Variants in RANBP17 observed in about 807,000 individuals in gnomAD.
The protein encoded by RANBP17 is ran-binding protein 17.
A neutral mutation model predicts 141.2 loss-of-function variants in RANBP17; 158 were observed. That is an observed-to-expected ratio of 1.12 (90% CI 0.98 to 1.28). The LOEUF (loss-of-function observed/expected upper bound fraction) is 1.28. Among genes scored for constraint, RANBP17 ranks in the 50% most tolerant of loss-of-function variants. The probability of loss-of-function intolerance (pLI) is 0.00; values close to 1 mark genes in which losing one functional copy is unlikely to be tolerated. For synonymous variants in RANBP17, 430 were observed against 450.0 expected, an observed-to-expected ratio of 0.96 and a Z score of 0.56; for missense variants, 1,438 against 1,290.7, an observed-to-expected ratio of 1.11 and a Z score of -1.75.
Position 170,970,200 on chromosome 5 carries a change from C to T in RANBP17, c.1710+1823C>T, listed in dbSNP as rs900704914. On this transcript the variant is annotated intron_variant, in intron 14 of 27. Coordinates refer to ENST00000523189, the MANE Select transcript of RANBP17 (RefSeq NM_022897.5). ...ATACAATTTTTTTAGCAACCAACTA[C>T]GTAAGGAAGAGTGAGTGGAACATAT... Among the ~76,000 whole-genome samples, 5 of 151,294 alleles carry T rather than the reference C, an allele frequency of 3.3e-5. No individual in the cohort carries two copies. The East Asian group carries it at 5.8e-4, about 18-fold the overall frequency.
rs753706111 is a variant in RANBP17 at position 171,242,674 on chromosome 5, T to C, written c.2638-8T>C. On this transcript the variant is annotated splice_region_variant and splice_polypyrimidine_tract_variant and intron_variant, in intron 23 of 27. Transcript: ENST00000523189. Reference sequence around the variant, plus strand: ...TGGCTTGACATTTAGTATATCTCTGTGTTGTAGCAATACCGGAAACTGAGC... The same window carrying C: ...TGGCTTGACATTTAGTATATCTCTGCGTTGTAGCAATACCGGAAACTGAGC... 5.0e-6 allele frequency: 8 copies of C among 1,613,132 alleles called. No homozygotes were observed. The highest frequency in any genetic ancestry group is 1.7e-5 in the Admixed American group (1 of 59,828).
chr5:170,881,211 GC>G (rs1315679743), intron 2 of RANBP17, among the ~76,000 whole-genome samples: 1 of 152,214 alleles, frequency 6.6e-6, no homozygotes, highest in Non-Finnish European at 1.5e-5. Flanking sequence ...TAGTTTGCCA[GC>G]CTCTGGTCTA....
At chr5:171,050,391 C>T (rs951191321) in intron 14 of RANBP17, among the ~76,000 whole-genome samples, 1 of 152,148 alleles carries the variant, frequency 6.6e-6, no homozygotes, top group African/African-American at 2.4e-5. Flanking sequence ...ATATTACATA[C>T]ATTGAAAACC....
At chr5:171,143,711 G>A (rs748188418) in intron 14 of RANBP17, among the ~76,000 whole-genome samples, 2 of 152,184 alleles carry the variant, frequency 1.3e-5, no homozygotes, top group Non-Finnish European at 2.9e-5. Flanking sequence ...GAGACAGATG[G>A]ATGAACAAAT....
At chr5:171,229,395 GTTGTTTTTT>G (rs1764070960) in intron 22 of RANBP17, among the ~76,000 whole-genome samples, 1 of 152,008 alleles carries the variant, frequency 6.6e-6, no homozygotes, top group Non-Finnish European at 1.5e-5. Flanking sequence ...TTACTTTTTT[GTTGTTTTTT>G]TTGTTTGTTT....
At chr5:170,941,957 G>A (rs1000476319) in intron 12 of RANBP17, among the ~76,000 whole-genome samples, 1 of 152,120 alleles carries the variant, frequency 6.6e-6, no homozygotes, top group African/African-American at 2.4e-5. Flanking sequence ...GCCATGAAGC[G>A]GTACTGGTTC....
At chr5:171,034,707 G>C (rs1329631964) in intron 14 of RANBP17, among the ~76,000 whole-genome samples, 1 of 152,182 alleles carries the variant, frequency 6.6e-6, no homozygotes, top group Non-Finnish European at 1.5e-5. Flanking sequence ...AATAGTGAGA[G>C]GCAAAGTTAG....
intron 14 of RANBP17, among the ~76,000 whole-genome samples, chr5:171,131,267 A>T (rs926325084): frequency 6.6e-6 from 1 of 152,242 alleles, no homozygotes; most frequent in Non-Finnish European, 1.5e-5. Context: ...AGATTATGTC[A>T]TAAAGGTTTC....
At chr5:170,873,785 A>G (rs1335457804) in intron 1 of RANBP17, among the ~76,000 whole-genome samples, 1 of 152,108 alleles carries the variant, frequency 6.6e-6, no homozygotes, top group Non-Finnish European at 1.5e-5. Flanking sequence ...AGTTCTTATA[A>G]AAACCAGCTC....
chr5:170,911,078 C>G lies in RANBP17; in HGVS notation c.704C>G (p.Ala235Gly), dbSNP rs369707517. The G allele has an allele frequency of 5.5e-5, 88 of 1,610,238 alleles. No individual in the cohort carries two copies. Among genetic ancestry groups the G allele is most frequent in the Non-Finnish European group, 6.5e-5 (76 of 1,177,936 alleles). Residue 235 changes from alanine to glycine, a missense_variant, in exon 7 of 28, where the codon GCA (alanine) becomes GGA (glycine). Transcript: ENST00000523189. ...CLNFDFIGSS[A>G]DESADDLCTV... is the part of the protein sequence containing the mutation. ...AACTTTGACTTCATTGGCAGTTCAG[C>G]AGATGAATCTGCAGATGATCTTTGC...
chr5:170,996,259 A>G (rs999301876), intron 14 of RANBP17, among the ~76,000 whole-genome samples: 6 of 152,182 alleles, frequency 3.9e-5, no homozygotes, highest in African/African-American at 1.4e-4. Context: ...TTTTCCCTAA[A>G]AAGCAAGGCA....
chr5:171,221,905 G>A, intron 22 of RANBP17, 65 bp downstream of exon 22: 1 of 1,013,766 alleles, frequency 9.9e-7, no homozygotes, highest in Non-Finnish European at 1.5e-6. Flanking sequence ...AAAGAAAGAT[G>A]TTAGTTATTT....
At chr5:171,222,804 T>A (rs561089032) in intron 22 of RANBP17, among the ~76,000 whole-genome samples, 1 of 152,164 alleles carries the variant, frequency 6.6e-6, no homozygotes, top group South Asian at 2.1e-4. Flanking sequence ...AATTGTTGTA[T>A]TTTTAGTAGA....
intron 14 of RANBP17, among the ~76,000 whole-genome samples, chr5:171,061,528 A>C (rs1783849602): frequency 6.6e-6 from 1 of 152,056 alleles, no homozygotes; most frequent in Non-Finnish European, 1.5e-5. Context: ...TCTGAGAGAC[A>C]GTTTGTTATA....
intron 9 of RANBP17, among the ~76,000 whole-genome samples, chr5:170,916,841 G>T (rs112312618): frequency 6.6e-6 from 1 of 151,190 alleles, no homozygotes; most frequent in African/African-American, 2.4e-5. Flanking sequence ...TCAGCCTCTT[G>T]AGTAGCTGGG....
chr5:171,166,539 A>G (rs1759712477), intron 14 of RANBP17, among the ~76,000 whole-genome samples: 1 of 152,162 alleles, frequency 6.6e-6, no homozygotes, highest in African/African-American at 2.4e-5. Context: ...GGTTGAAATA[A>G]TACAAGTTGT....
intron 14 of RANBP17, among the ~76,000 whole-genome samples, chr5:171,165,714 A>C (rs528260495): frequency 6.6e-6 from 1 of 152,318 alleles, no homozygotes; most frequent in African/African-American, 2.4e-5. Flanking sequence ...CATGCTGAAA[A>C]TAGTGGAGGA....
chr5:171,219,380 T>C (rs1055074768), intron 21 of RANBP17, among the ~76,000 whole-genome samples: 1 of 152,200 alleles, frequency 6.6e-6, no homozygotes, highest in African/African-American at 2.4e-5. Context: ...CAGGTTGCTC[T>C]TCTCAAGGAG....
chr5:171,151,173 A>G (rs1377355960), intron 14 of RANBP17, among the ~76,000 whole-genome samples: 3 of 152,212 alleles, frequency 2.0e-5, no homozygotes, highest in South Asian at 2.1e-4. Context: ...TAAAGATGCT[A>G]TAAGTGGAGG....
Sources: allele counts gnomAD v4.1 joint callset (sites outside exome capture counted in the v4.1 genomes callset), GRCh38; gene constraint gnomAD v4.1.1; transcripts MANE v1.5; gene names NCBI Gene and HGNC (gene_info 2026-07-23, HGNC 2026-07-21).